ASB14: variants seen among roughly 807,000 people sequenced by gnomAD.
The protein encoded by ASB14 is ankyrin repeat and SOCS box containing 14.
Under a neutral mutation model 55.6 loss-of-function variants are expected in ASB14, and 63 were observed. That is an observed-to-expected ratio of 1.13 (90% CI 0.92 to 1.40). The LOEUF (loss-of-function observed/expected upper bound fraction) is 1.40. Among genes scored for constraint, ASB14 ranks in the 40% most tolerant of loss-of-function variants. The probability of loss-of-function intolerance (pLI) is 0.00; values close to 1 mark genes in which losing one functional copy is unlikely to be tolerated. For synonymous variants in ASB14, 256 were observed against 259.9 expected, an observed-to-expected ratio of 0.98 and a Z score of 0.15; for missense variants, 724 against 710.4, an observed-to-expected ratio of 1.02 and a Z score of -0.22.
At chr3:57,290,842 A>C (rs932185406) in intron 2 of ASB14, among the ~76,000 whole-genome samples, 28 of 152,234 alleles carry the variant, frequency 1.8e-4, no homozygotes, top group Admixed American at 7.9e-4. Context: ...AATAAGGCTA[A>C]TTTCTTTACA....
rs199538379 is a variant in ASB14, at chr3:57,283,236, G to A, written c.673C>T (p.Gln225Ter). 53 of 1,551,936 alleles carry A rather than the reference G, an allele frequency of 3.4e-5. No individual in the cohort carries two copies. The highest frequency in any genetic ancestry group is 4.6e-5 in the Non-Finnish European group (53 of 1,146,988). ...YGFTPLALAA[Q>*]SGHTEIMEML... ...TCCATGATTTCAGTGTGTCCACTTT[G>A]GGCAGCAAGAGCAAGAGGAGTGAAT... Residue 225 changes from glutamine to a stop codon, truncating the protein, a stop_gained, in exon 6 of 11, where the codon CAA (glutamine) becomes TAA (stop). Coordinates refer to ENST00000487349, the MANE Select transcript of ASB14 (RefSeq NM_001142733.3). LOFTEE classifies it high-confidence loss of function.
At chr3:57,276,137 C>T (rs1200781752) in intron 10 of ASB14, among the ~76,000 whole-genome samples, 5 of 151,294 alleles carry the variant, frequency 3.3e-5, no homozygotes, top group Admixed American at 2.6e-4. Context: ...TTCTTTTGAG[C>T]ACATAGACAT....
chr3:57,279,278 T>A (rs1000642084), intron 7 of ASB14, among the ~76,000 whole-genome samples: 19 of 142,234 alleles, frequency 1.3e-4, no homozygotes, highest in South Asian at 4.8e-4. Flanking sequence ...TTTTTTTTTT[T>A]TTTTTTTTTT....
At chr3:57,287,876 T>G (rs1276124455) in intron 5 of ASB14, 25 bp downstream of exon 5, 1 of 1,535,244 alleles carries the variant, frequency 6.5e-7, no homozygotes, top group Admixed American at 2.0e-5. Context: ...CCACAGACTC[T>G]TTCAGAAACA....
intron 10 of ASB14, chr3:57,272,157 AGCCT>A (rs1341011366): frequency 2.6e-5 from 4 of 152,236 alleles, no homozygotes; most frequent in African/African-American, 9.6e-5. Flanking sequence ...AAAGATATTA[AGCCT>A]GCCTACTTCT....
intron 6 of ASB14, among the ~76,000 whole-genome samples, chr3:57,282,935 C>A (rs1005461731): frequency 3.3e-5 from 5 of 151,860 alleles, no homozygotes; most frequent in Non-Finnish European, 7.4e-5. Context: ...AAAAAACCAT[C>A]ATCATCTTAG....
intron 10 of ASB14, chr3:57,272,146 A>G (rs921093194): frequency 1.3e-5 from 2 of 152,222 alleles, no homozygotes; most frequent in East Asian, 1.9e-4. Flanking sequence ...TTTTAAAAAG[A>G]AAAGATATTA....
chr3:57,279,269 T>TC lies in ASB14; in HGVS notation c.888-350_888-349insG, dbSNP rs1222215137. ...CTAGTTGGTCAAGAGTTTTTCTTTT[T>TC]TTTTTTTTTTTTTTTTTTTTTTTGA... On this transcript the variant is annotated intron_variant, in intron 7 of 10. Transcript: ENST00000487349. Among the ~76,000 whole-genome samples, 72 of 135,068 alleles carry TC rather than the reference T, an allele frequency of 5.3e-4. 1 individual carries two copies. The highest frequency in any genetic ancestry group is 1.9e-3 in the African/African-American group (71 of 36,550). The allele number at this position is 135,068 out of a possible 152,430, so 88.6% of individuals were successfully genotyped here. A position where few individuals can be genotyped will look rare whatever the true frequency, so the allele number is the denominator to read the frequency against.
chr3:57,288,426 A>G, intron 3 of ASB14, 140 bp from the exon 4 acceptor site: 1 of 955,582 alleles, frequency 1.0e-6, no homozygotes, highest in Non-Finnish European at 1.5e-6. Flanking sequence ...GACAAATGGC[A>G]TATGACAGAC....
chr3:57,273,221 A>T (rs1425321321), intron 10 of ASB14: 1 of 152,638 alleles, frequency 6.6e-6, no homozygotes, highest in Non-Finnish European at 1.5e-5. Context: ...AAGTGAATTG[A>T]TTCTTATTTC....
chr3:57,280,047 C>A (rs182120723), intron 7 of ASB14, among the ~76,000 whole-genome samples: 3 of 151,064 alleles, frequency 2.0e-5, no homozygotes, highest in Admixed American at 1.3e-4. Context: ...CTTTGAGCAG[C>A]CTGGTCCCCT....
At position 57,284,094 on chromosome 3, in the gene ASB14, ATGTGTG is replaced by A. The variant is rs147304310; in HGVS notation, c.470-661_470-656del. ...AATAAAAGGCTTGGGAACACTGTGTATGTGTGTGTGTGTGTGTGTGTGTGTGTGTGT... is the reference window on the plus strand; with the variant it reads ...AATAAAAGGCTTGGGAACACTGTGTATGTGTGTGTGTGTGTGTGTGTGTGT... On this transcript the variant is annotated intron_variant, in intron 5 of 10. Transcript: ENST00000487349. Among the ~76,000 whole-genome samples, 168 of 136,540 alleles carry A rather than the reference ATGTGTG, an allele frequency of 1.2e-3. 1 individual carries two copies. The highest frequency in any genetic ancestry group is 4.3e-3 in the African/African-American group (153 of 35,608). The allele number at this position is 136,540 out of a possible 152,430, so 89.6% of individuals were successfully genotyped here. A position where few individuals can be genotyped will look rare whatever the true frequency, so the allele number is the denominator to read the frequency against.
intron 5 of ASB14, among the ~76,000 whole-genome samples, chr3:57,286,504 C>G (rs1406163941): frequency 6.6e-6 from 1 of 151,800 alleles, no homozygotes; most frequent in South Asian, 2.1e-4. Flanking sequence ...AATACTTAGA[C>G]CCCCAAGATC....
rs570963427 is a variant in ASB14, at chr3:57,278,463, G to A, written c.1345C>T (p.Arg449Ter). ...TCTCCATGTGGGCAATCAAAACATC[G>A]CTCTGTGTCATACCCATAGTTCAGC... Reference protein sequence around the residue: ...MLLNYGYDTERCFDCPHGDKV... With the variant: ...MLLNYGYDTE Residue 449 changes from arginine (R) to a stop codon, truncating the protein, a stop_gained, in exon 8 of 11, where the codon CGA (arginine) becomes TGA (stop). Coordinates refer to ENST00000487349, the MANE Select transcript of ASB14 (RefSeq NM_001142733.3). LOFTEE classifies it high-confidence loss of function. The A allele has an allele frequency of 1.2e-5, 20 of 1,614,032 alleles. No individual in the cohort carries two copies. The East Asian group carries it at 1.8e-4, about 14-fold the overall frequency.
chr3:57,280,810 A>G (rs961680100), intron 6 of ASB14, among the ~76,000 whole-genome samples: 3 of 145,464 alleles, frequency 2.1e-5, no homozygotes, highest in Non-Finnish European at 4.4e-5. Flanking sequence ...TTAACTCATA[A>G]CACACATATA....
chr3:57,289,334 T>TA (rs2061110149), intron 2 of ASB14, among the ~76,000 whole-genome samples: 2 of 152,190 alleles, frequency 1.3e-5, no homozygotes, highest in Non-Finnish European at 2.9e-5. Context: ...TAACTCTATC[T>TA]GTCTTCCGCA....
At position 57,277,773 on chromosome 3, in the gene ASB14, T is replaced by C. The variant is rs1355347744; in HGVS notation, c.1579A>G (p.Ile527Val). 2.5e-6 allele frequency: 4 copies of C among 1,605,226 alleles called. No homozygotes were observed. Among genetic ancestry groups the C allele is most frequent in the Middle Eastern group, 3.3e-4 (2 of 6,034 alleles). ...KQGIWSEIHF[I>V]LTNPRSLKHL... ...CTATGAGAAGGATACTTACTTAAGA[T>C]AAAATGTATTTCTGACCAGATCCCC... is the stretch of plus-strand genomic sequence containing the variant. Residue 527 changes from isoleucine to valine, a missense_variant, in exon 9 of 11, where the codon ATC becomes GTC. Ile to Val is a conservative substitution (Grantham distance 29). Coordinates refer to ENST00000487349, the MANE Select transcript of ASB14 (RefSeq NM_001142733.3).
chr3:57,278,379 T>G lies in ASB14; in HGVS notation c.1429A>C (p.Lys477Gln), dbSNP rs1274697498. ...TACAGCCAATACTGTGGACTTACCT[T>G]AGTATCTTTGATAACTGTAGATGTC... Reference protein sequence around the residue: ...GWTSTVIKDTKFCEVITLSWL... With the variant: ...GWTSTVIKDTQFCEVITLSWL... The change falls in exon 8 of 11, where the codon AAG becomes CAG. Residue 477 changes from lysine to glutamine, a missense_variant and splice_region_variant. Physicochemically the swap from Lys to Gln is moderately conservative, Grantham distance 53. Coordinates refer to ENST00000487349, the MANE Select transcript of ASB14 (RefSeq NM_001142733.3). 15 of 1,611,496 alleles carry G rather than the reference T, an allele frequency of 9.3e-6. No individual in the cohort carries two copies. Among genetic ancestry groups the G allele is most frequent in the African/African-American group, 1.3e-5 (1 of 74,874 alleles).
chr3:57,271,995 T>C (rs1187039236), intron 10 of ASB14: 1 of 152,228 alleles, frequency 6.6e-6, no homozygotes, highest in Non-Finnish European at 1.5e-5. Context: ...GGTTTCTGCC[T>C]AGTGGTAAAG....
Sources: allele counts gnomAD v4.1 joint callset (sites outside exome capture counted in the v4.1 genomes callset), GRCh38; gene constraint gnomAD v4.1.1; transcripts MANE v1.5; gene names NCBI Gene and HGNC (gene_info 2026-07-23, HGNC 2026-07-21).